The following FRAS1 variants were observed in gnomAD, a reference collection of about 807,000 sequenced individuals.
The protein encoded by FRAS1 is Fraser extracellular matrix complex subunit 1.
In FRAS1, 290 loss-of-function variants were observed where a neutral mutation model predicts 435.2. That is an observed-to-expected ratio of 0.67 (90% CI 0.61 to 0.73). FRAS1 has a LOEUF of 0.73. FRAS1 is among the 30% of genes least tolerant of loss of function. The pLI, the probability that FRAS1 is intolerant of heterozygous loss-of-function variation, is 0.00. For synonymous variants in FRAS1, 1,800 were observed against 1,851.0 expected, an observed-to-expected ratio of 0.97 and a Z score of 0.71; for missense variants, 4,860 against 5,001.5, an observed-to-expected ratio of 0.97 and a Z score of 0.85.
intron 31 of FRAS1, among the ~76,000 whole-genome samples, chr4:78,408,297 CTGATATGG>C (rs1733184235): frequency 6.6e-6 from 1 of 152,064 alleles, no homozygotes; most frequent in Non-Finnish European, 1.5e-5. Flanking sequence ...GATGGGGACA[CTGATATGG>C]ATTCCATATC....
At chr4:78,357,970 T>C (rs763858775) in intron 20 of FRAS1, among the ~76,000 whole-genome samples, 33 of 152,284 alleles carry the variant, frequency 2.2e-4, no homozygotes, top group Non-Finnish European at 4.3e-4. Context: ...ATAGTGTCTT[T>C]GTAGGTCTGA....
chr4:78,079,506 A>C (rs1424368555), intron 2 of FRAS1, among the ~76,000 whole-genome samples: 3 of 152,182 alleles, frequency 2.0e-5, no homozygotes, highest in Non-Finnish European at 4.4e-5. Flanking sequence ...AACTAGCTTA[A>C]GCAAAGTCTG....
At chr4:78,400,210 G>A (rs928131686) in intron 29 of FRAS1, among the ~76,000 whole-genome samples, 4 of 152,154 alleles carry the variant, frequency 2.6e-5, no homozygotes, top group Middle Eastern at 3.4e-3. Context: ...AAATCTTCCC[G>A]AGTCTTCCTT....
At chr4:78,243,043 C>A (rs1725074125) in intron 3 of FRAS1, among the ~76,000 whole-genome samples, 1 of 152,146 alleles carries the variant, frequency 6.6e-6, no homozygotes, top group Non-Finnish European at 1.5e-5. Context: ...GCTATCCTGT[C>A]TAAGGATTTC....
At chr4:78,269,014 G>T (rs1726512987) in intron 9 of FRAS1, among the ~76,000 whole-genome samples, 1 of 152,108 alleles carries the variant, frequency 6.6e-6, no homozygotes, top group Non-Finnish European at 1.5e-5. Flanking sequence ...TGTTTCCCAA[G>T]TTTTGTTTAA....
chr4:78,416,822 G>C (rs1411601949), intron 32 of FRAS1, among the ~76,000 whole-genome samples: 1 of 152,130 alleles, frequency 6.6e-6, no homozygotes, highest in East Asian at 1.9e-4. Flanking sequence ...GGGAGTGTAG[G>C]GGAGGCAAGA....
intron 69 of FRAS1, among the ~76,000 whole-genome samples, chr4:78,524,825 G>GCGCTATGGGAAAA (rs1279649887): frequency 6.6e-6 from 1 of 152,112 alleles, no homozygotes. Context: ...AAGGTGATAA[G>GCGCTATGGGAAAA]CGCTATGGGA....
Position 78,286,453 on chromosome 4 carries a change from C to T in FRAS1, c.1448C>T (p.Ser483Phe). Residue 483 changes from serine (S) to phenylalanine (F), a missense_variant, in exon 14 of 74, where the codon TCC becomes TTC. By Grantham distance (155) the Ser-to-Phe change is radical. Transcript: ENST00000512123. Reference sequence around the variant, plus strand: ...TGTACCAGTGGGCTGGAGTGCTCATCCTGCCAGCCTCCCCTGCTGATGCGG... The same window carrying T: ...TGTACCAGTGGGCTGGAGTGCTCATTCTGCCAGCCTCCCCTGCTGATGCGG... ...STCTSGLECS[S>F]CQPPLLMRHG... is the part of the protein sequence containing the mutation. The T allele has an allele frequency of 6.2e-7, 1 of 1,613,754 alleles. No individual in the cohort carries two copies. The highest frequency in any genetic ancestry group is 8.5e-7 in the Non-Finnish European group (1 of 1,179,880).
At chr4:78,531,562 T>C (rs1042187731) in intron 70 of FRAS1, among the ~76,000 whole-genome samples, 4 of 152,192 alleles carry the variant, frequency 2.6e-5, no homozygotes, top group African/African-American at 9.7e-5. Flanking sequence ...GCTGTTGTAT[T>C]TTATCGTAGG....
At chr4:78,233,677 A>G (rs1724607801) in intron 2 of FRAS1, among the ~76,000 whole-genome samples, 2 of 152,184 alleles carry the variant, frequency 1.3e-5, no homozygotes, top group Admixed American at 1.3e-4. Flanking sequence ...TTGAATAAGT[A>G]CTTTCTCATT....
chr4:78,298,869 T>G (rs1319967839), intron 14 of FRAS1, among the ~76,000 whole-genome samples: 9 of 152,324 alleles, frequency 5.9e-5, no homozygotes, highest in Non-Finnish European at 1.3e-4. Flanking sequence ...GTATTGAATT[T>G]CACTGAAGAC....
rs1728859645 is a variant in FRAS1 at position 78,308,072 on chromosome 4, A to G, written c.1541A>G (p.His514Arg). The change falls in exon 15 of 74, where the codon CAT becomes CGT. Residue 514 changes from histidine (H) to arginine (R), a missense_variant. Transcript: ENST00000512123. ...TTTTGCTATTCGTCTGCAGTCTGCCATGAGTCCTGTGCAGGTTGCTGGGGC... is the reference window on the plus strand; with the variant it reads ...TTTTGCTATTCGTCTGCAGTCTGCCGTGAGTCCTGTGCAGGTTGCTGGGGC... ...YQDRHSCAVC[H>R]ESCAGCWGPT... The G allele has an allele frequency of 1.2e-6, 2 of 1,606,850 alleles. No individual in the cohort carries two copies. The highest frequency in any genetic ancestry group is 4.5e-5 in the East Asian group (2 of 44,694).
intron 41 of FRAS1, among the ~76,000 whole-genome samples, chr4:78,441,502 C>T (rs1734657365): frequency 6.6e-6 from 1 of 152,144 alleles, no homozygotes; most frequent in Admixed American, 6.5e-5. Context: ...TTTAATTAAG[C>T]ACTAGGGATG....
intron 22 of FRAS1, among the ~76,000 whole-genome samples, chr4:78,364,484 T>A (rs1479446990): frequency 6.6e-6 from 1 of 152,240 alleles, no homozygotes; most frequent in Non-Finnish European, 1.5e-5. Flanking sequence ...TTTCTACATG[T>A]GTTTGTGAAT....
chr4:78,182,935 T>G, intron 2 of FRAS1, among the ~76,000 whole-genome samples: 1 of 147,256 alleles, frequency 6.8e-6, no homozygotes. Flanking sequence ...ACTGTGTGAG[T>G]CTGGAGTTCA....
intron 9 of FRAS1, among the ~76,000 whole-genome samples, chr4:78,269,270 T>C (rs1726528710): frequency 6.6e-6 from 1 of 152,032 alleles, no homozygotes; most frequent in African/African-American, 2.4e-5. Context: ...GCAAAAATTA[T>C]AACACAGTGT....
intron 35 of FRAS1, among the ~76,000 whole-genome samples, chr4:78,425,314 T>C (rs1733956353): frequency 6.6e-6 from 1 of 152,172 alleles, no homozygotes; most frequent in African/African-American, 2.4e-5. Flanking sequence ...TCTGCTTTCC[T>C]AGTTTTAGCT....
chr4:78,334,740 G>A (rs1730103281), intron 19 of FRAS1, among the ~76,000 whole-genome samples: 1 of 151,668 alleles, frequency 6.6e-6, no homozygotes, highest in Admixed American at 6.6e-5. Flanking sequence ...TCGTTTTCAT[G>A]GCTGCATATT....
At chr4:78,371,215 T>G (rs1392435642) in intron 23 of FRAS1, among the ~76,000 whole-genome samples, 2 of 152,194 alleles carry the variant, frequency 1.3e-5, no homozygotes, top group African/African-American at 4.8e-5. Context: ...GGCTCTGTTT[T>G]AGTCATTTTC....
Sources: allele counts gnomAD v4.1 joint callset (sites outside exome capture counted in the v4.1 genomes callset), GRCh38; gene constraint gnomAD v4.1.1; transcripts MANE v1.5; gene names NCBI Gene and HGNC (gene_info 2026-07-23, HGNC 2026-07-21).